The following GRK3 variants were observed in gnomAD, a reference collection of about 807,000 sequenced individuals.
GRK3 encodes G protein-coupled receptor kinase 3, also known as adrenergic, beta, receptor kinase 2.
Under a neutral mutation model 95.7 loss-of-function variants are expected in GRK3, and 54 were observed. That is an observed-to-expected ratio of 0.56 (90% CI 0.45 to 0.71). The LOEUF is 0.71. Ranked by LOEUF, GRK3 falls within the 30% of genes least tolerant of loss-of-function variation. The pLI is 0.00. For missense variants in GRK3, 649 were observed against 851.2 expected, an observed-to-expected ratio of 0.76 and a Z score of 2.96; for synonymous variants, 281 against 290.8, an observed-to-expected ratio of 0.97 and a Z score of 0.34.
intron 1 of GRK3, among the ~76,000 whole-genome samples, chr22:25,602,948 A>T (rs1349253091): frequency 1.3e-5 from 2 of 152,212 alleles, no homozygotes; most frequent in Admixed American, 1.3e-4. Context: ...ACAGAGTCTC[A>T]TTCTGTCCCC....
chr22:25,653,947 A>G (rs1317080078), intron 3 of GRK3, among the ~76,000 whole-genome samples: 1 of 152,174 alleles, frequency 6.6e-6, no homozygotes, highest in Non-Finnish European at 1.5e-5. Context: ...TCAGCCTCCC[A>G]AAGTGCTGGG....
chr22:25,718,165 G>A (rs938068581), intron 18 of GRK3, 80 bp from the exon 19 acceptor site: 36 of 1,482,374 alleles, frequency 2.4e-5, no homozygotes, highest in Non-Finnish European at 2.9e-5. Context: ...AAGCATGTCT[G>A]TTCTTTTTTC....
chr22:25,687,630 A>G lies in GRK3; in HGVS notation c.920A>G (p.His307Arg), dbSNP rs779007758. The G allele has an allele frequency of 3.1e-6, 5 of 1,614,072 alleles. No homozygotes were observed. In the African/African-American group the frequency reaches 6.7e-5, roughly 22 times the overall value. The change falls in exon 11 of 21, where the codon CAC (histidine) becomes CGC (arginine). Residue 307 changes from histidine (H) to arginine (R), a missense_variant. By Grantham distance (29) the His-to-Arg change is conservative (BLOSUM62 0). Around this residue, in one of 3 missense-constraint regions of GRK3, gnomAD observed 382 missense variants for 493.8 expected, o/e 0.77. Coordinates refer to ENST00000324198, the MANE Select transcript of GRK3 (RefSeq NM_005160.4). Reference protein sequence around the residue: ...YATEIILGLEHMHNRFVVYRD... With the variant: ...YATEIILGLERMHNRFVVYRD... ...ACTGAAATCATTCTGGGTCTGGAACACATGCACAATCGGTTTGTTGTCTAC... is the reference window on the plus strand; with the variant it reads ...ACTGAAATCATTCTGGGTCTGGAACGCATGCACAATCGGTTTGTTGTCTAC...
At position 25,727,617 on chromosome 22, in the gene GRK3, A is replaced by T. The variant is rs2085485166; in HGVS notation, c.*5167A>T. On this transcript the variant is annotated 3_prime_UTR_variant, in exon 21 of 21. Transcript: ENST00000324198. The stretch of plus-strand genomic sequence containing the variant: ...ATTTCATCAAACACATATAGGGGAA[A>T]AAATCCTTCAATTTAGAGTTAAATA... The T allele has an allele frequency of 6.6e-6, 1 of 152,230 alleles. No homozygotes were observed. Among genetic ancestry groups the T allele is most frequent in the Admixed American group, 6.5e-5 (1 of 15,276 alleles). 9.4% of individuals were successfully genotyped at this position (152,230 alleles called of 1,614,324 possible).
rs1445984202 is a variant in GRK3 at position 25,677,401 on chromosome 22, AG to A, written c.648-1414del. Among the ~76,000 whole-genome samples, 508 of 144,602 alleles carry A rather than the reference AG, an allele frequency of 3.5e-3. 1 individual carries two copies. The highest frequency in any genetic ancestry group is 0.021 in the South Asian group (95 of 4,488). The allele number at this position is 144,602 out of a possible 152,430, so 94.9% of individuals were successfully genotyped here. A position where few individuals can be genotyped will look rare whatever the true frequency, so the allele number is the denominator to read the frequency against. On this transcript the variant is annotated intron_variant, in intron 8 of 20. Coordinates refer to ENST00000324198, the MANE Select transcript of GRK3 (RefSeq NM_005160.4). The stretch of plus-strand genomic sequence containing the variant: ...TTAAAAAAAAAAAAAAAAAAAAAAA[AG>A]AAAAGGAAAAAAAAAGAAAAGAAAT...
chr22:25,710,733 G>A (rs113651337), intron 16 of GRK3, among the ~76,000 whole-genome samples: 3,977 of 152,298 alleles, frequency 0.026, 59 homozygotes, highest in African/African-American at 0.04. Flanking sequence ...GCAACCCAAA[G>A]GTGGTGTTGC....
chr22:25,674,776 C>T (rs185408694), intron 8 of GRK3, among the ~76,000 whole-genome samples: 2 of 152,046 alleles, frequency 1.3e-5, no homozygotes, highest in Non-Finnish European at 2.9e-5. Context: ...GGTGAAACCC[C>T]GTTTCTACTA....
At chr22:25,682,915 A>C (rs181906873) in intron 9 of GRK3, among the ~76,000 whole-genome samples, 1 of 152,332 alleles carries the variant, frequency 6.6e-6, no homozygotes, top group Admixed American at 6.5e-5. Flanking sequence ...GAACTTTATA[A>C]ATGTGCCCTT....
At chr22:25,635,832 A>T (rs1302694287) in intron 2 of GRK3, among the ~76,000 whole-genome samples, 1 of 152,138 alleles carries the variant, frequency 6.6e-6, no homozygotes, top group African/African-American at 2.4e-5. Flanking sequence ...ACTCAAACTT[A>T]TCCACTAGTT....
chr22:25,599,449 G>A (rs1305849332), intron 1 of GRK3, among the ~76,000 whole-genome samples: 7 of 151,884 alleles, frequency 4.6e-5, no homozygotes, highest in Admixed American at 1.3e-4. Flanking sequence ...AATATTAGCC[G>A]GGCGTGGTGG....
At position 25,721,331 on chromosome 22, in the gene GRK3, A is replaced by G. The variant is rs1252123097; in HGVS notation, c.1839A>G (p.Gln613=). The change falls in exon 20 of 21, where the codon CAA becomes CAG. Residue 613 remains glutamine, a synonymous_variant. Transcript: ENST00000324198. ...MEQILSVEET[Q]IKDKKCILFR... ...AGATTCTCTCTGTGGAAGAAACTCA[A>G]ATTAAAGACAAAAAATGCATTTTGT... 2 of 1,607,722 alleles carry G rather than the reference A, an allele frequency of 1.2e-6. No individual in the cohort carries two copies. Among genetic ancestry groups the G allele is most frequent in the Non-Finnish European group, 8.5e-7 (1 of 1,177,108 alleles).
At chr22:25,687,131 T>G (rs905608932) in intron 10 of GRK3, among the ~76,000 whole-genome samples, 20 of 151,930 alleles carry the variant, frequency 1.3e-4, no homozygotes, top group Non-Finnish European at 2.4e-4. Context: ...AGTTTTTTTT[T>G]TTGTTTGTTT....
chr22:25,606,016 C>T (rs1843357246), intron 2 of GRK3, among the ~76,000 whole-genome samples: 1 of 152,026 alleles, frequency 6.6e-6, no homozygotes, highest in Non-Finnish European at 1.5e-5. Flanking sequence ...GTCTACAGTC[C>T]CCGCAAACAT....
chr22:25,613,983 G>T (rs1191114696), intron 2 of GRK3, among the ~76,000 whole-genome samples: 1 of 151,108 alleles, frequency 6.6e-6, no homozygotes, highest in East Asian at 1.9e-4. Context: ...TCAAAGACCA[G>T]CCATAATTAT....
intron 2 of GRK3, among the ~76,000 whole-genome samples, chr22:25,620,420 G>A (rs912959183): frequency 1.3e-5 from 2 of 152,130 alleles, no homozygotes; most frequent in Non-Finnish European, 2.9e-5. Context: ...GGGATTGTGG[G>A]GATTGTCGTG....
chr22:25,721,045 C>G (rs1221481694), intron 19 of GRK3, among the ~76,000 whole-genome samples: 1 of 152,186 alleles, frequency 6.6e-6, no homozygotes. Flanking sequence ...GAGGGAACAG[C>G]TTTGCCGTTT....
chr22:25,575,682 A>G (rs539129894), intron 1 of GRK3, among the ~76,000 whole-genome samples: 2 of 152,356 alleles, frequency 1.3e-5, no homozygotes, highest in African/African-American at 4.8e-5. Flanking sequence ...ATAGTTTTAT[A>G]TATATTAACT....
intron 2 of GRK3, among the ~76,000 whole-genome samples, chr22:25,633,617 T>G (rs1429117961): frequency 2.6e-5 from 4 of 152,178 alleles, no homozygotes; most frequent in African/African-American, 4.8e-5. Context: ...TCAGTACTAA[T>G]AAATAAAAAT....
At chr22:25,622,249 G>C (rs558388391) in intron 2 of GRK3, among the ~76,000 whole-genome samples, 2 of 152,184 alleles carry the variant, frequency 1.3e-5, no homozygotes, top group Non-Finnish European at 2.9e-5. Context: ...GAACCATGCA[G>C]CTTGTCGGTG....
Sources: allele counts gnomAD v4.1 joint callset (sites outside exome capture counted in the v4.1 genomes callset), GRCh38; gene constraint gnomAD v4.1.1; regional missense constraint gnomAD v4.1.1; transcripts MANE v1.5; gene names NCBI Gene and HGNC (gene_info 2026-07-23, HGNC 2026-07-21).